Variants in ANGPT2 observed in about 807,000 individuals in gnomAD.
ANGPT2 encodes angiopoietin 2.
Under a neutral mutation model 62.9 loss-of-function variants are expected in ANGPT2, and 28 were observed. That is an observed-to-expected ratio of 0.44 (90% confidence interval 0.33 to 0.61). The LOEUF is 0.61. ANGPT2 is among the 20% of genes least tolerant of loss of function. The pLI is 0.03. For synonymous variants in ANGPT2, 284 were observed against 207.8 expected (o/e 1.37, Z -3.15); for missense variants, 727 against 594.9 (o/e 1.22, Z -2.31).
intron 3 of ANGPT2, among the ~76,000 whole-genome samples, chr8:6,522,498 G>T (rs996085805): frequency 1.3e-5 from 2 of 152,184 alleles, no homozygotes; most frequent in African/African-American, 4.8e-5. Flanking sequence ...TGAGGGCCAG[G>T]CTCAGTGGCT....
In ANGPT2 at chr8:6,521,299, G is replaced by C. The variant is rs1299096980; in HGVS notation, c.678C>G (p.Ile226Met). Residue 226 changes from isoleucine to methionine, a missense_variant, in exon 4 of 9, where the codon ATC (isoleucine) becomes ATG (methionine). Ile to Met is a conservative substitution (Grantham distance 10). Coordinates refer to ENST00000629816, the MANE Select transcript of ANGPT2 (RefSeq NM_001118887.2). ...CTATTTTTTTTTCTAGTTCTTCAATGATGGAATTTTGCTTGGATACTAACA... is the reference window on the plus strand; with the variant it reads ...CTATTTTTTTTTCTAGTTCTTCAATCATGGAATTTTGCTTGGATACTAACA... ...LQVLVSKQNSIIEELEKKIVT... is the reference protein window; with the variant it reads ...LQVLVSKQNSMIEELEKKIVT... 1 of 1,613,632 alleles carries C rather than the reference G, an allele frequency of 6.2e-7. No individual in the cohort carries two copies. The highest frequency in any genetic ancestry group is 1.3e-5 in the African/African-American group (1 of 74,898).
intron 8 of ANGPT2, among the ~76,000 whole-genome samples, chr8:6,505,141 T>C (rs993130678): frequency 8.4e-6 from 1 of 119,108 alleles, no homozygotes; most frequent in Admixed American, 9.9e-5. Flanking sequence ...TTACCCGTAA[T>C]GCATTATTTC....
At chr8:6,549,303 C>T (rs1336316167) in intron 1 of ANGPT2, among the ~76,000 whole-genome samples, 3 of 152,238 alleles carry the variant, frequency 2.0e-5, no homozygotes. Context: ...TTAACATGCA[C>T]AACAACATGG....
Position 6,563,090 on chromosome 8 carries a change from C to A in ANGPT2, c.-156G>T. The A allele has an allele frequency of 2.5e-6, 2 of 787,044 alleles. No individual in the cohort carries two copies. The highest frequency in any genetic ancestry group is 1.7e-5 in the African/African-American group (1 of 57,282). 48.8% of individuals were successfully genotyped at this position (787,044 alleles called of 1,614,324 possible). A position where few individuals can be genotyped will look rare whatever the true frequency, so the allele number is the denominator to read the frequency against. ...TCTTTCCTCTTTTTCCAGTAGCAAA[C>A]CTGGTTTTTACTGCTGTGTTCTCTC... On this transcript the variant is annotated 5_prime_UTR_variant, in exon 1 of 9. Coordinates refer to ENST00000629816, the MANE Select transcript of ANGPT2 (RefSeq NM_001118887.2).
intron 8 of ANGPT2, chr8:6,508,714 A>T (rs1167760201): frequency 4.6e-6 from 3 of 649,718 alleles, no homozygotes; most frequent in Non-Finnish European, 7.9e-6. Context: ...GAGGAGACAC[A>T]GTTGGCTTGC....
chr8:6,563,225 C>T lies in ANGPT2; in HGVS notation c.-291G>A, dbSNP rs1189355467. The T allele has an allele frequency of 3.9e-6, 1 of 256,986 alleles. No individual in the cohort carries two copies. The highest frequency in any genetic ancestry group is 7.0e-5 in the East Asian group (1 of 14,256). The allele number at this position is 256,986 out of a possible 1,614,324, so 15.9% of individuals were successfully genotyped here. ...TTTCACGGTCCTTTGTTCCTCTCTCCCCAGATCCTACAGTGTCAGTATCCG... is the reference window on the plus strand; with the variant it reads ...TTTCACGGTCCTTTGTTCCTCTCTCTCCAGATCCTACAGTGTCAGTATCCG... On this transcript the variant is annotated 5_prime_UTR_variant, in exon 1 of 9. Transcript: ENST00000629816.
chr8:6,521,958 T>G lies in ANGPT2; in HGVS notation c.567-548A>C, dbSNP rs148147864. ...GTACTGGCTTACCAGCCCTGCGACTTGGAACAGTTTACTTAGTCACCCTAT... is the reference window on the plus strand; with the variant it reads ...GTACTGGCTTACCAGCCCTGCGACTGGGAACAGTTTACTTAGTCACCCTAT... On this transcript the variant is annotated intron_variant, in intron 3 of 8. Transcript: ENST00000629816. Among the ~76,000 whole-genome samples the G allele has an allele frequency of 2.6e-5, 4 of 152,368 alleles. No homozygotes were observed. In the East Asian group the frequency reaches 5.8e-4, roughly 22 times the overall value.
intron 3 of ANGPT2, among the ~76,000 whole-genome samples, chr8:6,521,901 C>T (rs898871212): frequency 3.9e-5 from 6 of 152,200 alleles, no homozygotes; most frequent in African/African-American, 1.4e-4. Flanking sequence ...AATACTCCTT[C>T]ATGGGGAGGT....
Position 6,503,126 on chromosome 8 carries a change from A to G in ANGPT2, c.1463T>C (p.Met488Thr). The change falls in exon 9 of 9, where the codon ATG (methionine) becomes ACG (threonine). Residue 488 changes from methionine (M) to threonine (T), a missense_variant. Physicochemically the swap from Met to Thr is moderately conservative, Grantham distance 81. Transcript: ENST00000629816. ...TTAGAAATCTGCTGGTCGGATCATCATGGTTGTGGCCTTGAGCGAATAGCC... is the reference window on the plus strand; with the variant it reads ...TTAGAAATCTGCTGGTCGGATCATCGTGGTTGTGGCCTTGAGCGAATAGCC... ...GSGYSLKATTMMIRPADF is the reference protein window; with the variant it reads ...GSGYSLKATTTMIRPADF The G allele has an allele frequency of 6.2e-7, 1 of 1,614,194 alleles. No homozygotes were observed.
At chr8:6,523,211 G>A (rs2922891) in intron 3 of ANGPT2, among the ~76,000 whole-genome samples, 11,582 of 152,020 alleles carry the variant, frequency 0.076, 526 homozygotes, top group African/African-American at 0.12. Flanking sequence ...GTTAGCCAGG[G>A]TGGTCTCGAT....
At chr8:6,524,298 G>C (rs1817931598) in intron 3 of ANGPT2, among the ~76,000 whole-genome samples, 1 of 152,160 alleles carries the variant, frequency 6.6e-6, no homozygotes, top group South Asian at 2.1e-4. Flanking sequence ...CTACTAACAA[G>C]TTACCACAGC....
chr8:6,544,467 A>T (rs1249543255), intron 1 of ANGPT2, among the ~76,000 whole-genome samples: 2 of 152,218 alleles, frequency 1.3e-5, no homozygotes, highest in Non-Finnish European at 2.9e-5. Flanking sequence ...AGAGTATTTT[A>T]CTACAAAATA....
At chr8:6,521,116 T>C in intron 4 of ANGPT2, 62 bp downstream of exon 4, 1 of 1,386,368 alleles carries the variant, frequency 7.2e-7, no homozygotes, top group Non-Finnish European at 1.0e-6. Context: ...TTTTTTAGTC[T>C]TTTGAGTGTT....
At chr8:6,522,015 C>CTA (rs1817439346) in intron 3 of ANGPT2, among the ~76,000 whole-genome samples, 1 of 152,188 alleles carries the variant, frequency 6.6e-6, no homozygotes, top group African/African-American at 2.4e-5. Flanking sequence ...AATTAGGATA[C>CTA]TATCACCTAG....
At chr8:6,553,434 A>G (rs765497749) in intron 1 of ANGPT2, among the ~76,000 whole-genome samples, 7 of 152,200 alleles carry the variant, frequency 4.6e-5, no homozygotes, top group East Asian at 1.9e-4. Context: ...CACCGGGAGA[A>G]TAACTTCAGA....
chr8:6,541,897 A>G (rs776736931), intron 1 of ANGPT2, among the ~76,000 whole-genome samples: 3 of 151,814 alleles, frequency 2.0e-5, no homozygotes, highest in Non-Finnish European at 4.4e-5. Context: ...GGTCCTAGCT[A>G]CTCAGGAGGC....
At chr8:6,503,965 A>T (rs940645921) in intron 8 of ANGPT2, among the ~76,000 whole-genome samples, 4 of 152,190 alleles carry the variant, frequency 2.6e-5, no homozygotes, top group Non-Finnish European at 5.9e-5. Context: ...TGCTTTCTGC[A>T]CTTTCAGATA....
chr8:6,553,617 C>T (rs1408290641), intron 1 of ANGPT2, among the ~76,000 whole-genome samples: 1 of 152,074 alleles, frequency 6.6e-6, no homozygotes, highest in East Asian at 1.9e-4. Context: ...TGGCTAAATT[C>T]CTGAGGCTGG....
At chr8:6,509,707 T>A (rs766667479) in intron 7 of ANGPT2, among the ~76,000 whole-genome samples, 3 of 152,186 alleles carry the variant, frequency 2.0e-5, no homozygotes, top group Non-Finnish European at 4.4e-5. Context: ...GATAAGCCCA[T>A]TTTCTGTTGA....
Sources: gnomAD v4.1 joint callset for allele counts (sites outside exome capture counted in the v4.1 genomes callset) on GRCh38, gnomAD v4.1.1 for gene constraint, MANE v1.5 for transcripts, NCBI Gene and HGNC (gene_info 2026-07-23, HGNC 2026-07-21) for gene names.